The following FUT8 variants were observed in gnomAD, a reference collection of about 807,000 sequenced individuals.
The protein encoded by FUT8 is fucosyltransferase 8.
In FUT8, 29 loss-of-function variants were observed where a neutral mutation model predicts 71.3. The observed-to-expected ratio is 0.41, with a 90% CI of 0.30 to 0.55. The LOEUF (loss-of-function observed/expected upper bound fraction) is 0.55. FUT8 is among the 20% of genes least tolerant of loss of function. FUT8 has a pLI of 0.34. For missense variants in FUT8, 544 were observed against 702.1 expected (o/e 0.77, Z 2.55); for synonymous variants, 254 against 239.3 (o/e 1.06, Z -0.57).
At chr14:65,585,274 C>T (rs2140124632) in intron 3 of FUT8, among the ~76,000 whole-genome samples, 1 of 152,248 alleles carries the variant, frequency 6.6e-6, no homozygotes, top group South Asian at 2.1e-4. Context: ...CTCACTGCAG[C>T]CTCCTGGGCT....
At chr14:65,595,313 C>T (rs1236547010) in intron 3 of FUT8, among the ~76,000 whole-genome samples, 8 of 152,092 alleles carry the variant, frequency 5.3e-5, no homozygotes, top group Admixed American at 4.6e-4. Flanking sequence ...AAAATATTTT[C>T]TTGAACCCTG....
At chr14:65,588,410 C>T (rs1056628184) in intron 3 of FUT8, among the ~76,000 whole-genome samples, 1 of 152,176 alleles carries the variant, frequency 6.6e-6, no homozygotes, top group East Asian at 1.9e-4. Flanking sequence ...TTGCTATGGT[C>T]TAAACTCTCA....
rs1297766415 is a variant in FUT8 at position 65,742,313 on chromosome 14, A to G, written c.1631A>G (p.Asn544Ser). ...NHWDGYSKGVNRKLGRTGLYP... is the reference protein window; with the variant it reads ...NHWDGYSKGVSRKLGRTGLYP... Reference sequence around the variant, plus strand: ...TGGGATGGCTATTCTAAAGGTGTCAACAGGAAATTGGGAAGGACGGGCCTA... The same window carrying G: ...TGGGATGGCTATTCTAAAGGTGTCAGCAGGAAATTGGGAAGGACGGGCCTA... Residue 544 changes from asparagine (N) to serine (S), a missense_variant, in exon 11 of 11, where the codon AAC (asparagine) becomes AGC (serine). Asn to Ser is a conservative substitution (Grantham distance 46). Transcript: ENST00000673929. 2 of 1,613,036 alleles carry G rather than the reference A, an allele frequency of 1.2e-6. No homozygotes were observed. Among genetic ancestry groups the G allele is most frequent in the Non-Finnish European group, 8.5e-7 (1 of 1,179,352 alleles).
At chr14:65,382,844 A>C in the FUT8 span, among the ~76,000 whole-genome samples, 4 of 152,092 alleles carry the variant, frequency 2.6e-5, 1 homozygote, top group South Asian at 4.1e-4. Flanking sequence ...TCTCAGTCTA[A>C]ATGCTCTGTA....
intron 2 of FUT8, among the ~76,000 whole-genome samples, chr14:65,471,776 G>A (rs1263068890): frequency 1.3e-5 from 2 of 151,074 alleles, no homozygotes; most frequent in African/African-American, 2.4e-5. Flanking sequence ...TTTTCTTGTC[G>A]TGAGGTTGGG....
chr14:65,477,505 C>G (rs2066264319), intron 2 of FUT8, among the ~76,000 whole-genome samples: 1 of 152,086 alleles, frequency 6.6e-6, no homozygotes. Context: ...CTAAGTCAGT[C>G]AATTCTATTT....
chr14:65,411,899 C>A (rs1008985904), upstream of FUT8: 2 of 378,290 alleles, frequency 5.3e-6, no homozygotes, highest in East Asian at 7.3e-5. Context: ...GCGCTCCGGT[C>A]CTCCCGCTCA....
intron 6 of FUT8, among the ~76,000 whole-genome samples, chr14:65,665,450 G>T (rs771079239): frequency 1.3e-5 from 2 of 152,114 alleles, no homozygotes; most frequent in Non-Finnish European, 2.9e-5. Context: ...AAAGACTGAG[G>T]AATAAAGAAG....
At chr14:65,589,891 C>T (rs1887595621) in intron 3 of FUT8, among the ~76,000 whole-genome samples, 1 of 152,144 alleles carries the variant, frequency 6.6e-6, no homozygotes. Flanking sequence ...AAAGATGATG[C>T]ATAGACATGG....
intron 2 of FUT8, among the ~76,000 whole-genome samples, chr14:65,531,806 G>A (rs878931479): frequency 6.6e-6 from 1 of 152,024 alleles, no homozygotes; most frequent in Non-Finnish European, 1.5e-5. Flanking sequence ...ATTGTCTATT[G>A]TTCCTTTCGT....
the FUT8 span, among the ~76,000 whole-genome samples, chr14:65,394,175 TATTGAACTCCCAGCCTCAGGTGATC>T: frequency 1.2e-4 from 19 of 152,210 alleles, no homozygotes. Flanking sequence ...GTCAGGCTAG[TATTGAACTCCCAGCCTCAGGTGATC>T]TGCCCACCTT....
chr14:65,499,236 C>G (rs542266634), intron 2 of FUT8, among the ~76,000 whole-genome samples: 2 of 152,128 alleles, frequency 1.3e-5, no homozygotes, highest in Admixed American at 1.3e-4. Flanking sequence ...TTTTTTTAAC[C>G]AGAGAAGAGC....
intron 6 of FUT8, among the ~76,000 whole-genome samples, chr14:65,650,030 C>G (rs558573705): frequency 9.5e-4 from 144 of 152,252 alleles, no homozygotes; most frequent in Non-Finnish European, 1.7e-3. Context: ...GGTGCGGTGG[C>G]TCACGCCTGT....
At chr14:65,720,577 AG>A (rs1895363692) in intron 7 of FUT8, among the ~76,000 whole-genome samples, 1 of 152,204 alleles carries the variant, frequency 6.6e-6, no homozygotes, top group South Asian at 2.1e-4. Flanking sequence ...GCCTTAGATT[AG>A]GGAAAGGGTG....
the FUT8 span, among the ~76,000 whole-genome samples, chr14:65,402,608 G>A: frequency 1.3e-5 from 2 of 152,138 alleles, no homozygotes; most frequent in Admixed American, 1.3e-4. Context: ...GCGGCTTGCA[G>A]TGAGCCGAGA....
chr14:65,397,447 T>A, the FUT8 span, among the ~76,000 whole-genome samples: 2 of 152,174 alleles, frequency 1.3e-5, no homozygotes, highest in African/African-American at 2.4e-5. The surrounding 1 kb of genome is among the most constrained non-coding windows in gnomAD (Gnocchi z 4.2). Flanking sequence ...GAGAAAAAAA[T>A]TTTCCAACAC....
intron 2 of FUT8, among the ~76,000 whole-genome samples, chr14:65,503,344 C>A (rs1412647899): frequency 6.6e-6 from 1 of 152,140 alleles, no homozygotes; most frequent in Non-Finnish European, 1.5e-5. Context: ...GCCATTGTTA[C>A]TCTTATTTAT....
intron 3 of FUT8, among the ~76,000 whole-genome samples, chr14:65,589,801 C>G (rs991444116): frequency 6.6e-6 from 1 of 152,132 alleles, no homozygotes; most frequent in Non-Finnish European, 1.5e-5. Flanking sequence ...TTAAAGACCT[C>G]TCTTCTCATT....
intron 6 of FUT8, among the ~76,000 whole-genome samples, chr14:65,659,223 G>C (rs1383993471): frequency 6.6e-6 from 1 of 151,598 alleles, no homozygotes; most frequent in Admixed American, 6.6e-5. Flanking sequence ...AACAATAATA[G>C]CTGGGGATTC....
Sources: allele counts gnomAD v4.1 joint callset (sites outside exome capture counted in the v4.1 genomes callset), GRCh38; gene constraint gnomAD v4.1.1; non-coding constraint Gnocchi (gnomAD v3.1); transcripts MANE v1.5; gene names NCBI Gene and HGNC (gene_info 2026-07-23, HGNC 2026-07-21).